Variants in IL11RA observed in about 807,000 individuals in gnomAD.
IL11RA encodes the protein interleukin-11 receptor subunit alpha.
IL11RA carries 51 observed loss-of-function variants against 57.0 expected under a neutral mutation model. The observed-to-expected ratio is 0.89, with a 90% CI of 0.71 to 1.13. The LOEUF (loss-of-function observed/expected upper bound fraction) is 1.13. IL11RA is among the 50% of genes most tolerant of loss of function. The pLI, the probability that IL11RA is intolerant of heterozygous loss-of-function variation, is 0.00. For synonymous variants in IL11RA, 199 were observed against 217.5 expected (o/e 0.91, Z 0.75); for missense variants, 498 against 539.4 (o/e 0.92, Z 0.76).
chr9:34,657,786 C>T (rs1175885434), intron 7 of IL11RA, among the ~76,000 whole-genome samples, 199 bp downstream of exon 7: 1 of 152,230 alleles, frequency 6.6e-6, no homozygotes, highest in African/African-American at 2.4e-5. Flanking sequence ...CTAGAGGCTG[C>T]TGCTGCTACC....
chr9:34,656,033 A>AT, intron 3 of IL11RA: 3 of 266,718 alleles, frequency 1.1e-5, no homozygotes, highest in Non-Finnish European at 1.5e-5. Context: ...CTGAGTGGTT[A>AT]CTTTTTTTTT....
intron 3 of IL11RA, chr9:34,656,030 G>T: frequency 1.0e-5 from 3 of 296,966 alleles, no homozygotes; most frequent in Middle Eastern, 1.2e-3. Context: ...CAACTGAGTG[G>T]TTACTTTTTT....
chr9:34,654,987 G>A, intron 1 of IL11RA: 1 of 509,782 alleles, frequency 2.0e-6, no homozygotes, highest in Non-Finnish European at 3.6e-6. Context: ...GAGGGGGTGT[G>A]TGTGTCCGTG....
chr9:34,657,754 C>G (rs1285142395), intron 7 of IL11RA, among the ~76,000 whole-genome samples, 167 bp downstream of exon 7: 1 of 152,202 alleles, frequency 6.6e-6, no homozygotes, highest in Non-Finnish European at 1.5e-5. Context: ...GCCCAGGAGG[C>G]ATGGTTATTT....
At position 34,658,897 on chromosome 9, in the gene IL11RA, T is replaced by C. The variant is rs1186360630; in HGVS notation, c.810+214T>C. On this transcript the variant is annotated intron_variant, in intron 8 of 12. Transcript: ENST00000441545. This position sits in a 1 kb window ranked among gnomAD's most constrained non-coding sequence, Gnocchi z 4.0. The stretch of plus-strand genomic sequence containing the variant: ...CTATAACTATGAGGTAAAGCACATC[T>C]GTGGGAAGATAGCAATGGCTTTTAA... Among the ~76,000 whole-genome samples the C allele has an allele frequency of 1.3e-5, 2 of 152,154 alleles. No homozygotes were observed. Among genetic ancestry groups the C allele is most frequent in the African/African-American group, 4.8e-5 (2 of 41,410 alleles).
rs151255388 is a variant in IL11RA at position 34,659,874 on chromosome 9, C to T, written c.926C>T (p.Pro309Leu). Residue 309 changes from proline (P) to leucine (L), a missense_variant, in exon 9 of 13, where the codon CCG becomes CTG. Physicochemically the swap from Pro to Leu is moderately conservative, Grantham distance 98. Coordinates refer to ENST00000441545, the MANE Select transcript of IL11RA (RefSeq NM_001142784.3). ...LDAGTWSTWS[P>L]EAWGTPSTGT... ...GCTGGCACCTGGAGCACCTGGAGCC[C>T]GGAGGCCTGGGGAACTCCGAGCACT... 63 of 1,614,048 alleles carry T rather than the reference C, an allele frequency of 3.9e-5. No homozygotes were observed. Among genetic ancestry groups the T allele is most frequent in the East Asian group, 8.9e-5 (4 of 44,900 alleles).
chr9:34,660,109 TCTACAAGCTTGGAGCTTGCCATGCTCC>T (rs373989931), intron 9 of IL11RA, among the ~76,000 whole-genome samples, 138 bp from the exon 10 acceptor site: 36 of 152,372 alleles, frequency 2.4e-4, no homozygotes, highest in African/African-American at 8.7e-4. Flanking sequence ...AGGCTCCACT[TCTACAAGCTTGGAGCTTGCCATGCTCC>T]CTAGGAGCTG....
In IL11RA at chr9:34,661,895, C is replaced by G; in HGVS notation, c.*397C>G. ...AATAAGGAAGTTCTTGGAGATTATA[C>G]TCAGAAATTATTATCCAATGCTGCT... On this transcript the variant is annotated 3_prime_UTR_variant, in exon 13 of 13. Coordinates refer to ENST00000441545, the MANE Select transcript of IL11RA (RefSeq NM_001142784.3). The G allele has an allele frequency of 1.2e-6, 2 of 1,603,270 alleles. No individual in the cohort carries two copies. Among genetic ancestry groups the G allele is most frequent in the South Asian group, 2.2e-5 (2 of 90,682 alleles).
rs971338295 is a variant in IL11RA at position 34,657,586 on chromosome 9, C to G, written c.645C>G (p.Ile215Met). Residue 215 changes from isoleucine to methionine, a missense_variant and splice_region_variant, in exon 7 of 13, where the codon ATC becomes ATG. Physicochemically the swap from Ile to Met is conservative, Grantham distance 10. Transcript: ENST00000441545. ...TGCTGGATGTGAGCTTGCAGAGCATCTGTGAGTACCCACCCCAGACCTCCC... is the reference window on the plus strand; with the variant it reads ...TGCTGGATGTGAGCTTGCAGAGCATGTGTGAGTACCCACCCCAGACCTCCC... ...TRLLDVSLQS[I>M]LRPDPPQGLR... is the part of the protein sequence containing the mutation. 5 of 1,613,888 alleles carry G rather than the reference C, an allele frequency of 3.1e-6. No homozygotes were observed. The African/African-American group carries it at 5.3e-5, about 17-fold the overall frequency.
At chr9:34,660,760 C>G in intron 11 of IL11RA, 94 bp from the exon 12 acceptor site, 1 of 1,283,960 alleles carries the variant, frequency 7.8e-7, no homozygotes, top group Non-Finnish European at 1.1e-6. Context: ...TTGATTTTAA[C>G]TGATTCCTCT....
At chr9:34,652,954 G>C (rs1220621373) in intron 1 of IL11RA, among the ~76,000 whole-genome samples, 1 of 152,132 alleles carries the variant, frequency 6.6e-6, no homozygotes, top group Admixed American at 6.5e-5. Context: ...AGATACCTCT[G>C]TGTGTTTCTT....
Position 34,657,037 on chromosome 9 carries a change from C to T in IL11RA, c.334C>T (p.Pro112Ser). The T allele has an allele frequency of 6.2e-7, 1 of 1,614,016 alleles. No homozygotes were observed. Among genetic ancestry groups the T allele is most frequent in the Non-Finnish European group, 8.5e-7 (1 of 1,179,926 alleles). ...GGTVTLQLGY[P>S]PARPVVSCQA... is the part of the protein sequence containing the mutation. ...CCAGGTGTACCCTCTGCCTCTAGAC[C>T]CTCCAGCCCGCCCTGTTGTCTCCTG... The change falls in exon 5 of 13, where the codon CCT becomes TCT. Residue 112 changes from proline (P) to serine (S), a missense_variant and splice_region_variant. Transcript: ENST00000441545.
rs1311909136 is a variant in IL11RA, at chr9:34,658,202, G to A, written c.647-318G>A. Among the ~76,000 whole-genome samples, 1 of 152,070 alleles carries A rather than the reference G, an allele frequency of 6.6e-6. No homozygotes were observed. Among genetic ancestry groups the A allele is most frequent in the Non-Finnish European group, 1.5e-5 (1 of 68,022 alleles). The stretch of plus-strand genomic sequence containing the variant: ...ATTACAGGCATGTGCCACCATGTCT[G>A]GTTAATTTTTAAAATTTTTTGTAGA... On this transcript the variant is annotated intron_variant, in intron 7 of 12. Coordinates refer to ENST00000441545, the MANE Select transcript of IL11RA (RefSeq NM_001142784.3). The surrounding 1 kb of genome is among the most constrained non-coding windows in gnomAD (Gnocchi z 4.0).
intron 9 of IL11RA, 59 bp from the exon 10 acceptor site, chr9:34,660,215 G>T: frequency 6.2e-7 from 1 of 1,613,686 alleles, no homozygotes; most frequent in South Asian, 1.1e-5. Flanking sequence ...CTTGAGCACA[G>T]GACGTGACCC....
Position 34,660,529 on chromosome 9 carries a change from A to G in IL11RA, c.1098A>G (p.Val366=), listed in dbSNP as rs1466879495. 5 of 1,614,138 alleles carry G rather than the reference A, an allele frequency of 3.1e-6. No individual in the cohort carries two copies. The highest frequency in any genetic ancestry group is 4.2e-6 in the Non-Finnish European group (5 of 1,179,970). ...ATCACAGGGACTCTGTGGAGCAGGT[A>G]GCTGTGCTGGCGTCTTTGGGAATCC... ...LLDHRDSVEQ[V]AVLASLGILS... Residue 366 remains valine, a synonymous_variant, in exon 11 of 13, where the codon GTA becomes GTG. Transcript: ENST00000441545.
rs763755454 is a variant in IL11RA, at chr9:34,658,587, C to T, written c.714C>T (p.Ala238=). 1 of 1,614,174 alleles carries T rather than the reference C, an allele frequency of 6.2e-7. No individual in the cohort carries two copies. Among genetic ancestry groups the T allele is most frequent in the South Asian group, 1.1e-5 (1 of 91,086 alleles). Reference sequence around the variant, plus strand: ...CAGGTTACCCCCGACGCCTGCGAGCCAGCTGGACATACCCTGCCTCCTGGC... The same window carrying T: ...CAGGTTACCCCCGACGCCTGCGAGCTAGCTGGACATACCCTGCCTCCTGGC... ...SVPGYPRRLR[A]SWTYPASWPC... Residue 238 remains alanine (A), a synonymous_variant, in exon 8 of 13, where the codon GCC becomes GCT. Coordinates refer to ENST00000441545, the MANE Select transcript of IL11RA (RefSeq NM_001142784.3). The surrounding 1 kb of genome is among the most constrained non-coding windows in gnomAD (Gnocchi z 4.0).
At chr9:34,655,182 G>A (rs762108315) in intron 1 of IL11RA, 36 bp from the exon 2 acceptor site, 1 of 1,451,200 alleles carries the variant, frequency 6.9e-7, no homozygotes, top group South Asian at 1.2e-5. Context: ...TCCCATCTCA[G>A]GGGTCGGGGA....
Position 34,657,351 on chromosome 9 carries a change from G to C in IL11RA, c.479+16G>C, listed in dbSNP as rs924728040. 8 of 1,614,184 alleles carry C rather than the reference G, an allele frequency of 5.0e-6. No homozygotes were observed. The highest frequency in any genetic ancestry group is 3.3e-4 in the Middle Eastern group (2 of 6,062). On this transcript the variant is annotated intron_variant, in intron 6 of 12. Coordinates refer to ENST00000441545, the MANE Select transcript of IL11RA (RefSeq NM_001142784.3). ...ATAGCCAGAGGTAGGACGTGAGGGAGCATGTGGGGGCTCCAGCTGGGTCCC... is the reference window on the plus strand; with the variant it reads ...ATAGCCAGAGGTAGGACGTGAGGGACCATGTGGGGGCTCCAGCTGGGTCCC...
rs1314631704 is a variant in IL11RA at position 34,661,670 on chromosome 9, C to A, written c.*172C>A. 1.1e-5 allele frequency: 9 copies of A among 786,426 alleles called. No homozygotes were observed. In the African/African-American group the frequency reaches 1.2e-4, roughly 10 times the overall value. The allele number at this position is 786,426 out of a possible 1,614,324, so 48.7% of individuals were successfully genotyped here. On this transcript the variant is annotated 3_prime_UTR_variant, in exon 13 of 13. Coordinates refer to ENST00000441545, the MANE Select transcript of IL11RA (RefSeq NM_001142784.3). ...ATTTGCAGCTGAAAGGTGCTTGTAC[C>A]TCTGATTTCACCCCAGAGTTGGAGT... is the stretch of plus-strand genomic sequence containing the variant.
Sources: allele counts gnomAD v4.1 joint callset (sites outside exome capture counted in the v4.1 genomes callset), GRCh38; gene constraint gnomAD v4.1.1; non-coding constraint Gnocchi (gnomAD v3.1); transcripts MANE v1.5; gene names NCBI Gene and HGNC (gene_info 2026-07-23, HGNC 2026-07-21).